The following PLCB1 variants were observed in gnomAD, a reference collection of about 807,000 sequenced individuals.
PLCB1 encodes the protein phospholipase C beta 1.
Under a neutral mutation model 161.8 loss-of-function variants are expected in PLCB1, and 46 were observed. The observed-to-expected ratio is 0.28, with a 90% CI of 0.22 to 0.36. The LOEUF (loss-of-function observed/expected upper bound fraction) is 0.36. Among genes scored for constraint, PLCB1 ranks in the 10% least tolerant of loss-of-function variants. PLCB1 has a pLI of 1.00. For synonymous variants in PLCB1, 517 were observed against 503.7 expected, an observed-to-expected ratio of 1.03 and a Z score of -0.35; for missense variants, 1,016 against 1,472.5, an observed-to-expected ratio of 0.69 and a Z score of 5.07.
At chr20:8,791,144 C>G (rs1246203082) in intron 31 of PLCB1, among the ~76,000 whole-genome samples, 1 of 151,868 alleles carries the variant, frequency 6.6e-6, no homozygotes, top group Admixed American at 6.6e-5. Flanking sequence ...TCTTTGTGCT[C>G]TTATGCTTTC....
At chr20:8,234,875 T>C (rs1980240031) in intron 2 of PLCB1, among the ~76,000 whole-genome samples, 1 of 152,174 alleles carries the variant, frequency 6.6e-6, no homozygotes, top group African/African-American at 2.4e-5. Flanking sequence ...ACCCGGAATA[T>C]AATGCTTACT....
chr20:8,272,960 T>G (rs1481824248), intron 2 of PLCB1, among the ~76,000 whole-genome samples: 2 of 152,166 alleles, frequency 1.3e-5, no homozygotes, highest in Non-Finnish European at 2.9e-5. Context: ...AGCACATGTA[T>G]GTATGACTTC....
rs546301144 is a variant in PLCB1 at position 8,400,117 on chromosome 20, G to T, written c.246+28667G>T. ...CAGAAGTTTTCTGACATTGTCAACTGCTTGTGGTGGCATAGGGAAGTACCT... is the reference window on the plus strand; with the variant it reads ...CAGAAGTTTTCTGACATTGTCAACTTCTTGTGGTGGCATAGGGAAGTACCT... On this transcript the variant is annotated intron_variant, in intron 3 of 31. Transcript: ENST00000338037. 3.9e-4 allele frequency among the ~76,000 whole-genome samples: 59 copies of T among 152,304 alleles called. 1 individual carries two copies. The South Asian group carries it at 0.012, about 31-fold the overall frequency.
chr20:8,639,280 G>C (rs1246099316), intron 4 of PLCB1, among the ~76,000 whole-genome samples: 2 of 152,156 alleles, frequency 1.3e-5, no homozygotes, highest in Admixed American at 1.3e-4. Flanking sequence ...AGCTATTTGG[G>C]AACAGAGTGT....
At chr20:8,702,623 T>G (rs1272407317) in intron 11 of PLCB1, among the ~76,000 whole-genome samples, 2 of 152,206 alleles carry the variant, frequency 1.3e-5, no homozygotes, top group Non-Finnish European at 2.9e-5. Context: ...CAAGGCCAGT[T>G]TGTCTCACTG....
intron 12 of PLCB1, among the ~76,000 whole-genome samples, chr20:8,715,419 C>T (rs1014663992): frequency 6.6e-5 from 10 of 152,278 alleles, no homozygotes; most frequent in African/African-American, 2.4e-4. Context: ...GTTTCAAAGG[C>T]GTTTGCATCC....
At chr20:8,511,401 C>T (rs1239893970) in intron 3 of PLCB1, among the ~76,000 whole-genome samples, 1 of 151,992 alleles carries the variant, frequency 6.6e-6, no homozygotes, top group Non-Finnish European at 1.5e-5. Context: ...ATATATAAAA[C>T]ATTTCTTCAT....
intron 1 of PLCB1, among the ~76,000 whole-genome samples, chr20:8,135,131 A>G (rs951790609): frequency 1.3e-5 from 2 of 152,328 alleles, no homozygotes; most frequent in African/African-American, 4.8e-5. Flanking sequence ...TGTTGAAGAC[A>G]AAAAAGAACC....
intron 9 of PLCB1, among the ~76,000 whole-genome samples, chr20:8,677,228 T>A (rs2123377800): frequency 6.6e-6 from 1 of 152,134 alleles, no homozygotes; most frequent in Non-Finnish European, 1.5e-5. Context: ...ACCCCATCTC[T>A]ACTAAAAATA....
At chr20:8,168,441 C>T (rs375525469) in intron 2 of PLCB1, among the ~76,000 whole-genome samples, 23 of 152,102 alleles carry the variant, frequency 1.5e-4, no homozygotes, top group Non-Finnish European at 2.1e-4. Flanking sequence ...AGAGCACTTA[C>T]GCTGCAGTGA....
chr20:8,378,986 T>C (rs1987179689), intron 3 of PLCB1, among the ~76,000 whole-genome samples: 1 of 152,190 alleles, frequency 6.6e-6, no homozygotes, highest in African/African-American at 2.4e-5. Flanking sequence ...TGTTTTTAAT[T>C]TTACTTTAAT....
At chr20:8,841,176 A>G (rs1259111341) in intron 31 of PLCB1, among the ~76,000 whole-genome samples, 3 of 152,136 alleles carry the variant, frequency 2.0e-5, no homozygotes, top group East Asian at 1.9e-4. Context: ...GCATCCTACA[A>G]CAATAACTTT....
intron 2 of PLCB1, among the ~76,000 whole-genome samples, chr20:8,277,166 A>G (rs1460985389): frequency 2.0e-5 from 3 of 151,606 alleles, no homozygotes; most frequent in Non-Finnish European, 4.4e-5. Flanking sequence ...AAGCCCAGCT[A>G]AGTTTTGTAT....
At chr20:8,825,550 A>G (rs1476508572) in intron 31 of PLCB1, among the ~76,000 whole-genome samples, 1 of 152,240 alleles carries the variant, frequency 6.6e-6, no homozygotes, top group Non-Finnish European at 1.5e-5. Context: ...CATGGTAGAT[A>G]GACCACAGAG....
At chr20:8,290,082 G>A (rs1249239276) in intron 2 of PLCB1, among the ~76,000 whole-genome samples, 3 of 152,160 alleles carry the variant, frequency 2.0e-5, no homozygotes, top group Non-Finnish European at 2.9e-5. Flanking sequence ...TGGTGCAATA[G>A]GCTTCCTGAA....
intron 2 of PLCB1, among the ~76,000 whole-genome samples, chr20:8,311,392 G>C (rs1473014965): frequency 5.3e-5 from 8 of 152,172 alleles, no homozygotes; most frequent in Admixed American, 3.9e-4. Flanking sequence ...AATCTCTAGA[G>C]CCATGTGGGA....
chr20:8,213,599 T>C (rs1006638675), intron 2 of PLCB1, among the ~76,000 whole-genome samples: 2 of 152,084 alleles, frequency 1.3e-5, no homozygotes, highest in African/African-American at 4.8e-5. Context: ...AAGCTTGCTC[T>C]GTTGTGCATT....
intron 31 of PLCB1, among the ~76,000 whole-genome samples, chr20:8,866,349 T>A (rs1987428903): frequency 6.6e-6 from 1 of 152,124 alleles, no homozygotes; most frequent in South Asian, 2.1e-4. Flanking sequence ...TGTGGTTAAG[T>A]CTCCACTAGT....
intron 3 of PLCB1, among the ~76,000 whole-genome samples, chr20:8,514,673 A>G (rs1340747176): frequency 6.6e-6 from 1 of 152,168 alleles, no homozygotes; most frequent in Admixed American, 6.5e-5. Flanking sequence ...TTTCTCTTTT[A>G]GTACTTTTTC....
Sources: gnomAD v4.1 joint callset for allele counts (sites outside exome capture counted in the v4.1 genomes callset) on GRCh38, gnomAD v4.1.1 for gene constraint, MANE v1.5 for transcripts, NCBI Gene and HGNC (gene_info 2026-07-23, HGNC 2026-07-21) for gene names.